ASH1L: variants seen among roughly 807,000 people sequenced by gnomAD.
ASH1L encodes ASH1 like histone lysine methyltransferase.
A neutral mutation model predicts 269.0 loss-of-function variants in ASH1L; 23 were observed. The observed-to-expected ratio is 0.09, with a 90% confidence interval of 0.06 to 0.12. The LOEUF is 0.12. ASH1L is among the 10% of genes least tolerant of loss of function. The probability of loss-of-function intolerance (pLI) is 1.00; values close to 1 mark genes in which losing one functional copy is unlikely to be tolerated. For missense variants in ASH1L, 2,912 were observed against 3,567.8 expected (o/e 0.82, Z 4.68); for synonymous variants, 1,187 against 1,253.5 (o/e 0.95, Z 1.12).
chr1:155,478,742 A>G lies in ASH1L; in HGVS notation c.4128T>C (p.Thr1376=). Residue 1376 remains threonine, a synonymous_variant, in exon 3 of 28, where the codon ACT becomes ACC. Coordinates refer to ENST00000392403, the MANE Select transcript of ASH1L (RefSeq NM_018489.3). This position sits in a 1 kb window ranked among gnomAD's most constrained non-coding sequence, Gnocchi z 4.6. ...MHSLSFPLSS[T]GFYPSYGMPY... is the part of the protein sequence containing the mutation. The stretch of plus-strand genomic sequence containing the variant: ...GCATACCATAAGATGGATAGAATCC[A>G]GTACTAGAAAGAGGAAAACTAAGGC... 6.2e-7 allele frequency: 1 copy of G among 1,614,146 alleles called. No homozygotes were observed. The highest frequency in any genetic ancestry group is 8.5e-7 in the Non-Finnish European group (1 of 1,180,026).
chr1:155,394,447 T>C (rs928845412), intron 7 of ASH1L, among the ~76,000 whole-genome samples: 1 of 152,134 alleles, frequency 6.6e-6, no homozygotes, highest in Admixed American at 6.6e-5. Context: ...CTGGGCCACA[T>C]GGAAACACAA....
chr1:155,556,736 T>A (rs568089622), intron 1 of ASH1L, among the ~76,000 whole-genome samples: 1 of 152,014 alleles, frequency 6.6e-6, no homozygotes, highest in East Asian at 1.9e-4. Context: ...CCACTGCACC[T>A]GGCCAAAAAT....
chr1:155,496,926 G>A (rs1667192664), intron 2 of ASH1L, among the ~76,000 whole-genome samples: 2 of 152,046 alleles, frequency 1.3e-5, no homozygotes, highest in African/African-American at 4.8e-5. Context: ...GATTACAGGT[G>A]TAAGCCACCC....
chr1:155,543,896 T>C (rs1230504430), intron 1 of ASH1L, among the ~76,000 whole-genome samples: 1 of 151,914 alleles, frequency 6.6e-6, no homozygotes, highest in East Asian at 1.9e-4. Flanking sequence ...GTCATGATGG[T>C]GTCACTGCAC....
intron 4 of ASH1L, among the ~76,000 whole-genome samples, chr1:155,452,791 A>G (rs1048253130): frequency 1.2e-4 from 18 of 152,092 alleles, no homozygotes; most frequent in Middle Eastern, 3.2e-3. Flanking sequence ...TCCTGGCCTC[A>G]AGTGATCTAC....
intron 4 of ASH1L, among the ~76,000 whole-genome samples, chr1:155,457,383 A>C (rs1378630813): frequency 6.6e-6 from 1 of 152,176 alleles, no homozygotes; most frequent in African/African-American, 2.4e-5. Context: ...CCACTTATGT[A>C]CATTAGTCAT....
intron 12 of ASH1L, among the ~76,000 whole-genome samples, chr1:155,363,350 C>T (rs1655134186): frequency 6.6e-6 from 1 of 151,898 alleles, no homozygotes; most frequent in South Asian, 2.1e-4. Flanking sequence ...ATCTCAGCTC[C>T]CTGCAACCTC....
At chr1:155,510,550 G>A (rs1194768601) in intron 2 of ASH1L, among the ~76,000 whole-genome samples, 1 of 151,970 alleles carries the variant, frequency 6.6e-6, no homozygotes, top group African/African-American at 2.4e-5. Flanking sequence ...GGTACAGTGT[G>A]CTACTATTTA....
chr1:155,349,664 G>T, intron 17 of ASH1L, 68 bp from the exon 18 acceptor site: 1 of 1,304,736 alleles, frequency 7.7e-7, no homozygotes, highest in South Asian at 1.2e-5. Context: ...CTCCTAACTG[G>T]AAGAATAGAA....
In ASH1L at chr1:155,511,991, T is replaced by C. The variant is rs182786764; in HGVS notation, c.420+9109A>G. Among the ~76,000 whole-genome samples, 919 of 152,040 alleles carry C rather than the reference T, an allele frequency of 6.0e-3. 9 individuals carry two copies. Among genetic ancestry groups the C allele is most frequent in the African/African-American group, 0.022 (895 of 41,452 alleles). ...ACGCCCGGCTAATTTTTTGTATTTT[T>C]AGTAGAGACAGGGTTTCTCCATGTT... is the stretch of plus-strand genomic sequence containing the variant. On this transcript the variant is annotated intron_variant, in intron 2 of 27. Coordinates refer to ENST00000392403, the MANE Select transcript of ASH1L (RefSeq NM_018489.3).
intron 10 of ASH1L, among the ~76,000 whole-genome samples, chr1:155,372,365 G>C (rs1278296345): frequency 6.6e-6 from 1 of 151,660 alleles, no homozygotes; most frequent in East Asian, 1.9e-4. Flanking sequence ...CTGGAGTGCA[G>C]TGGCTAAATT....
chr1:155,368,066 G>T (rs1332151498), intron 12 of ASH1L, among the ~76,000 whole-genome samples: 6 of 152,066 alleles, frequency 3.9e-5, no homozygotes, highest in African/African-American at 1.2e-4. Context: ...GCAGTTGCAT[G>T]ATCACAGGAA....
intron 1 of ASH1L, among the ~76,000 whole-genome samples, chr1:155,521,891 T>A (rs1041948826): frequency 2.0e-5 from 3 of 152,210 alleles, no homozygotes; most frequent in African/African-American, 7.2e-5. Context: ...TTCTGAAACT[T>A]ACAGTCAAGC....
intron 10 of ASH1L, among the ~76,000 whole-genome samples, chr1:155,377,241 C>A (rs1196854803): frequency 6.6e-6 from 1 of 152,116 alleles, no homozygotes; most frequent in African/African-American, 2.4e-5. Flanking sequence ...CAGTTAGATT[C>A]CACACTTTAT....
chr1:155,479,361 G>C lies in ASH1L; in HGVS notation c.3509C>G (p.Ser1170Cys). Reference protein sequence around the residue: ...RLSPPTLLPNSPSHLSELTSL... With the variant: ...RLSPPTLLPNCPSHLSELTSL... ...TGTGAGTTCACTCAAGTGCGAAGGA[G>C]AATTTGGCAACAAAGTAGGAGGAGA... is the stretch of plus-strand genomic sequence containing the variant. The change falls in exon 3 of 28, where the codon TCT becomes TGT. Residue 1170 changes from serine to cysteine, a missense_variant. Physicochemically the swap from Ser to Cys is moderately radical, Grantham distance 112. Transcript: ENST00000392403. 1 of 1,614,160 alleles carries C rather than the reference G, an allele frequency of 6.2e-7. No individual in the cohort carries two copies. The highest frequency in any genetic ancestry group is 1.1e-5 in the South Asian group (1 of 91,080).
chr1:155,352,917 C>A, intron 16 of ASH1L, 59 bp from the exon 17 acceptor site: 1 of 1,483,198 alleles, frequency 6.7e-7, no homozygotes, highest in East Asian at 2.5e-5. Flanking sequence ...ATGTCTTTCT[C>A]TTTCCCAATG....
At position 155,338,349 on chromosome 1, in the gene ASH1L, T is replaced by C; in HGVS notation, c.8543A>G (p.Asp2848Gly). Residue 2848 changes from aspartate to glycine, a missense_variant, in exon 27 of 28, where the codon GAC (aspartate) becomes GGC (glycine). Physicochemically the swap from Asp to Gly is moderately conservative, Grantham distance 94. Around this residue, in one of 13 missense-constraint regions of ASH1L, gnomAD observed 154 missense variants for 165.0 expected, o/e 0.93. Transcript: ENST00000392403. ...TAGAGCATCATCCTCCTGGCCCAAGTCTTTTAGGGGTGGCTTTGAGCGCTC... is the reference window on the plus strand; with the variant it reads ...TAGAGCATCATCCTCCTGGCCCAAGCCTTTTAGGGGTGGCTTTGAGCGCTC... ...KSERSKPPLK[D>G]LGQEDDALPL... is the part of the protein sequence containing the mutation. 1.2e-6 allele frequency: 2 copies of C among 1,613,986 alleles called. No individual in the cohort carries two copies. The highest frequency in any genetic ancestry group is 1.7e-6 in the Non-Finnish European group (2 of 1,179,984).
At chr1:155,548,196 A>G (rs1168334324) in intron 1 of ASH1L, among the ~76,000 whole-genome samples, 1 of 152,152 alleles carries the variant, frequency 6.6e-6, no homozygotes, top group African/African-American at 2.4e-5. Context: ...GGAGAACCTG[A>G]GGACGAGTAA....
At chr1:155,370,120 C>A (rs2148413596) in intron 12 of ASH1L, 1 of 194,578 alleles carries the variant, frequency 5.1e-6, no homozygotes, top group East Asian at 1.2e-4. Context: ...CCCAGACTGG[C>A]CTGAAACTCC....
Sources: allele counts gnomAD v4.1 joint callset (sites outside exome capture counted in the v4.1 genomes callset), GRCh38; gene constraint gnomAD v4.1.1; regional missense constraint gnomAD v4.1.1; non-coding constraint Gnocchi (gnomAD v3.1); transcripts MANE v1.5; gene names NCBI Gene and HGNC (gene_info 2026-07-23, HGNC 2026-07-21).